Variants in LMX1A observed in about 807,000 individuals in gnomAD.
The protein encoded by LMX1A is LIM homeobox transcription factor 1-alpha.
A neutral mutation model predicts 49.1 loss-of-function variants in LMX1A; 15 were observed. The observed-to-expected ratio is 0.31, with a 90% CI of 0.20 to 0.47. The LOEUF (loss-of-function observed/expected upper bound fraction) is 0.47. Among genes scored for constraint, LMX1A ranks in the 20% least tolerant of loss-of-function variants. The probability of loss-of-function intolerance (pLI) is 1.00; values close to 1 mark genes in which losing one functional copy is unlikely to be tolerated. For missense variants in LMX1A, 372 were observed against 475.8 expected (o/e 0.78, Z 2.03); for synonymous variants, 167 against 185.7 (o/e 0.90, Z 0.82).
intron 3 of LMX1A, among the ~76,000 whole-genome samples, chr1:165,304,337 G>A (rs555373888): frequency 6.6e-6 from 1 of 152,206 alleles, no homozygotes; most frequent in South Asian, 2.1e-4. Flanking sequence ...GTCTCAGAAA[G>A]AAAAAGGAAC....
chr1:165,320,915 T>C (rs1655366968), intron 3 of LMX1A, among the ~76,000 whole-genome samples: 1 of 152,168 alleles, frequency 6.6e-6, no homozygotes, highest in African/African-American at 2.4e-5. Context: ...AGCTAAACAT[T>C]ATGTCCATAC....
intron 3 of LMX1A, among the ~76,000 whole-genome samples, chr1:165,287,714 A>G (rs1654337748): frequency 6.6e-6 from 1 of 152,138 alleles, no homozygotes; most frequent in Non-Finnish European, 1.5e-5. Flanking sequence ...TATTTTAAAA[A>G]TCTGTTAGGG....
chr1:165,331,418 T>C lies in LMX1A; in HGVS notation c.263+21658A>G, dbSNP rs1571227128. On this transcript the variant is annotated intron_variant, in intron 3 of 8. Transcript: ENST00000342310. Reference sequence around the variant, plus strand: ...ATGTAGTTATTGAACACTGGCAATGTGGCATGTAACTAAAGAAATCTTTTT... The same window carrying C: ...ATGTAGTTATTGAACACTGGCAATGCGGCATGTAACTAAAGAAATCTTTTT... Among the ~76,000 whole-genome samples, 3 of 152,214 alleles carry C rather than the reference T, an allele frequency of 2.0e-5. No homozygotes were observed. The South Asian group carries it at 6.2e-4, about 31-fold the overall frequency.
chr1:165,269,865 G>A (rs768715841), intron 3 of LMX1A, among the ~76,000 whole-genome samples: 22 of 152,102 alleles, frequency 1.4e-4, no homozygotes, highest in Non-Finnish European at 2.8e-4. Context: ...GACACAGGGA[G>A]GGGAACAACA....
chr1:165,221,384 C>G (rs1345698234), intron 4 of LMX1A, among the ~76,000 whole-genome samples: 1 of 152,080 alleles, frequency 6.6e-6, no homozygotes, highest in Non-Finnish European at 1.5e-5. Context: ...TCAGACCCTC[C>G]CGTCTCCCCC....
At chr1:165,244,594 T>C (rs1652775440) in intron 4 of LMX1A, among the ~76,000 whole-genome samples, 1 of 152,150 alleles carries the variant, frequency 6.6e-6, no homozygotes, top group Admixed American at 6.5e-5. Flanking sequence ...AGAAGTGTCA[T>C]GTGGAGTGGA....
rs4657417 is a variant in LMX1A at position 165,235,517 on chromosome 1, T to A, written c.496+13891A>T. Among the ~76,000 whole-genome samples the A allele has an allele frequency of 2.0e-5, 3 of 152,330 alleles. No homozygotes were observed. In the East Asian group the frequency reaches 5.8e-4, roughly 30 times the overall value. Reference sequence around the variant, plus strand: ...GGCGCGGCTCCGCCAGCGGAGAGCCTTTGGATTTACCGTGGCATTACTTTT... The same window carrying A: ...GGCGCGGCTCCGCCAGCGGAGAGCCATTGGATTTACCGTGGCATTACTTTT... On this transcript the variant is annotated intron_variant, in intron 4 of 8. Transcript: ENST00000342310.
intron 8 of LMX1A, among the ~76,000 whole-genome samples, chr1:165,205,444 T>C (rs1020331595): frequency 2.0e-5 from 3 of 152,216 alleles, no homozygotes; most frequent in African/African-American, 7.2e-5. Context: ...TTAGTATCCA[T>C]AGTAGGATAG....
chr1:165,325,234 T>A (rs1196792009), intron 3 of LMX1A, among the ~76,000 whole-genome samples: 1 of 152,210 alleles, frequency 6.6e-6, no homozygotes, highest in African/African-American at 2.4e-5. Context: ...CCCAGACTTG[T>A]ATAATCAGTT....
At chr1:165,254,720 A>G (rs989237814) in intron 3 of LMX1A, among the ~76,000 whole-genome samples, 4 of 152,204 alleles carry the variant, frequency 2.6e-5, no homozygotes, top group Admixed American at 2.0e-4. Context: ...AATGCTCTGG[A>G]TGGCATCCCC....
chr1:165,352,768 G>A (rs1656470940), intron 3 of LMX1A, among the ~76,000 whole-genome samples: 2 of 152,246 alleles, frequency 1.3e-5, no homozygotes, highest in African/African-American at 4.8e-5. Flanking sequence ...AACAAAGAGT[G>A]GCCTCTGGAA....
intron 3 of LMX1A, among the ~76,000 whole-genome samples, chr1:165,287,954 T>C (rs1654343371): frequency 6.6e-6 from 1 of 152,174 alleles, no homozygotes; most frequent in Non-Finnish European, 1.5e-5. Flanking sequence ...TGTTTGGTTG[T>C]ATAGTTTCAG....
At chr1:165,285,341 A>G (rs1303667392) in intron 3 of LMX1A, among the ~76,000 whole-genome samples, 1 of 152,198 alleles carries the variant, frequency 6.6e-6, no homozygotes, top group Non-Finnish European at 1.5e-5. Flanking sequence ...ACCCATTCAG[A>G]CTGTGTTTGA....
chr1:165,298,519 G>T (rs1285577460), intron 3 of LMX1A, among the ~76,000 whole-genome samples: 1 of 152,206 alleles, frequency 6.6e-6, no homozygotes, highest in East Asian at 1.9e-4. Context: ...GAAAGGGCTG[G>T]GAATGATATT....
chr1:165,342,057 A>G (rs1656093860), intron 3 of LMX1A, among the ~76,000 whole-genome samples: 1 of 152,256 alleles, frequency 6.6e-6, no homozygotes, highest in African/African-American at 2.4e-5. Flanking sequence ...TCCAAAATGG[A>G]CTAGAACTAG....
chr1:165,298,999 A>G, intron 3 of LMX1A, among the ~76,000 whole-genome samples: 1 of 152,230 alleles, frequency 6.6e-6, no homozygotes, highest in East Asian at 1.9e-4. Context: ...ACTCCAAGAG[A>G]TATTTTTATT....
chr1:165,259,118 CAAAA>C (rs1653345894), intron 3 of LMX1A, among the ~76,000 whole-genome samples: 1 of 152,076 alleles, frequency 6.6e-6, no homozygotes, highest in African/African-American at 2.4e-5. Context: ...CCAACTGAGC[CAAAA>C]ATAGAACTTT....
intron 4 of LMX1A, among the ~76,000 whole-genome samples, chr1:165,231,911 A>T (rs1163130784): frequency 1.3e-5 from 2 of 152,248 alleles, no homozygotes; most frequent in Non-Finnish European, 2.9e-5. Context: ...GAATTCGCCT[A>T]TACAGACTAT....
chr1:165,309,776 T>C (rs932076886), intron 3 of LMX1A, among the ~76,000 whole-genome samples: 2 of 152,176 alleles, frequency 1.3e-5, no homozygotes, highest in African/African-American at 4.8e-5. Flanking sequence ...AAGCTGGTCT[T>C]GACAAGCCAA....
Sources: gnomAD v4.1 joint callset for allele counts (sites outside exome capture counted in the v4.1 genomes callset) on GRCh38, gnomAD v4.1.1 for gene constraint, MANE v1.5 for transcripts, NCBI Gene and HGNC (gene_info 2026-07-23, HGNC 2026-07-21) for gene names.